FAM3B: variants seen among roughly 807,000 people sequenced by gnomAD.
FAM3B encodes FAM3 metabolism regulating signaling molecule B.
A neutral mutation model predicts 28.4 loss-of-function variants in FAM3B; 29 were observed. That is an observed-to-expected ratio of 1.02 (90% CI 0.76 to 1.39). FAM3B has a LOEUF of 1.39. Ranked by LOEUF, FAM3B falls within the 40% of genes most tolerant of loss-of-function variation. The probability of loss-of-function intolerance (pLI) is 0.00; values close to 1 mark genes in which losing one functional copy is unlikely to be tolerated. For synonymous variants in FAM3B, 91 were observed against 103.0 expected, an observed-to-expected ratio of 0.88 and a Z score of 0.71; for missense variants, 266 against 293.9, an observed-to-expected ratio of 0.91 and a Z score of 0.69.
At chr21:41,352,300 A>G (rs1489185208) in intron 7 of FAM3B, among the ~76,000 whole-genome samples, 3 of 152,116 alleles carry the variant, frequency 2.0e-5, no homozygotes, top group Admixed American at 2.0e-4. Flanking sequence ...CCCTCCATGC[A>G]GGGGGTGCCT....
chr21:41,339,247 A>G (rs1339693091), intron 3 of FAM3B, among the ~76,000 whole-genome samples: 1 of 152,134 alleles, frequency 6.6e-6, no homozygotes, highest in Non-Finnish European at 1.5e-5. Flanking sequence ...GTACAGCACT[A>G]CTTAAGTTAT....
chr21:41,326,191 T>C lies in FAM3B; in HGVS notation c.163+3125T>C, dbSNP rs888279285. 5.9e-5 allele frequency among the ~76,000 whole-genome samples: 9 copies of C among 152,208 alleles called. No individual in the cohort carries two copies. The highest frequency in any genetic ancestry group is 1.9e-4 in the African/African-American group (8 of 41,452). On this transcript the variant is annotated intron_variant, in intron 2 of 7. Transcript: ENST00000357985. This position sits in a 1 kb window ranked among gnomAD's most constrained non-coding sequence, Gnocchi z 4.0. Reference sequence around the variant, plus strand: ...TCAGGAAAAGCACTGAAGACCTAGATGTGGTTCTCCAGGCAGGGTTTGGAA... The same window carrying C: ...TCAGGAAAAGCACTGAAGACCTAGACGTGGTTCTCCAGGCAGGGTTTGGAA...
At position 41,357,161 on chromosome 21, in the gene FAM3B, C is replaced by CT; in HGVS notation, c.672_673insT (p.Gln225SerfsTer19). 6.2e-7 allele frequency: 1 copy of CT among 1,613,530 alleles called. No individual in the cohort carries two copies. The highest frequency in any genetic ancestry group is 8.5e-7 in the Non-Finnish European group (1 of 1,179,708). Reference sequence around the variant, plus strand: ...GATATTCTGGCTGGCCTGCAGAGATCCAGATAGAAGGCTGCATACCCAAAG... The same window carrying CT: ...GATATTCTGGCTGGCCTGCAGAGATCTCAGATAGAAGGCTGCATACCCAAAG... On this transcript the variant is annotated frameshift_variant, in exon 8 of 8. Transcript: ENST00000357985. LOFTEE classifies it high-confidence loss of function.
chr21:41,314,039 T>C (rs2088730673), upstream of FAM3B, among the ~76,000 whole-genome samples: 1 of 152,206 alleles, frequency 6.6e-6, no homozygotes, highest in Admixed American at 6.5e-5. Context: ...GTTGAAGCCC[T>C]AATCTTTCAA....
chr21:41,322,444 A>T (rs530675776), intron 1 of FAM3B: 3 of 627,100 alleles, frequency 4.8e-6, no homozygotes, highest in Admixed American at 2.5e-5. Context: ...CTTGCTGGGC[A>T]TCGGCTACTA....
chr21:41,355,732 G>A (rs2145837471), intron 7 of FAM3B, among the ~76,000 whole-genome samples: 1 of 152,270 alleles, frequency 6.6e-6, no homozygotes, highest in African/African-American at 2.4e-5. Flanking sequence ...TTTGGGTGAT[G>A]AAAATGTTTT....
rs1447241919 is a variant in FAM3B at position 41,338,517 on chromosome 21, T to C, written c.287+16T>C. 1 of 1,613,574 alleles carries C rather than the reference T, an allele frequency of 6.2e-7. No individual in the cohort carries two copies. The highest frequency in any genetic ancestry group is 8.5e-7 in the Non-Finnish European group (1 of 1,179,792). ...AGGATAACCTGTAAGTACCAGCGTTTAGAAGGAAAATAAAGCGATCCTACT... is the reference window on the plus strand; with the variant it reads ...AGGATAACCTGTAAGTACCAGCGTTCAGAAGGAAAATAAAGCGATCCTACT... On this transcript the variant is annotated intron_variant, in intron 3 of 7. Transcript: ENST00000357985.
intron 3 of FAM3B, among the ~76,000 whole-genome samples, chr21:41,341,012 A>G (rs1221222063): frequency 6.6e-6 from 1 of 152,204 alleles, no homozygotes; most frequent in African/African-American, 2.4e-5. Flanking sequence ...GTGTATGAAT[A>G]TGTGTGCATA....
chr21:41,348,451 G>A (rs777761892), intron 6 of FAM3B, 141 bp from the exon 7 acceptor site: 5 of 846,746 alleles, frequency 5.9e-6, no homozygotes, highest in Non-Finnish European at 9.1e-6. Flanking sequence ...AGCTGCCACT[G>A]TGTGTCATGC....
chr21:41,324,506 G>A (rs1184625286), intron 2 of FAM3B, among the ~76,000 whole-genome samples: 1 of 152,204 alleles, frequency 6.6e-6, no homozygotes, highest in African/African-American at 2.4e-5. Flanking sequence ...TTATCTGTAA[G>A]TCACACTGAT....
chr21:41,347,152 C>A, intron 6 of FAM3B, 52 bp downstream of exon 6: 1 of 1,493,746 alleles, frequency 6.7e-7, no homozygotes, highest in Non-Finnish European at 9.3e-7. Context: ...CCAGCTGGGG[C>A]AGAGGCTGCC....
Position 41,311,252 on chromosome 21 carries a change from ATATATATATATATATATATATAT to A in FAM3B, n.99+6943_99+6965del, listed in dbSNP as rs1470741887. On this transcript the variant is annotated intron_variant and non_coding_transcript_variant, in intron 1 of 9. Coordinates refer to the FAM3B transcript ENST00000479810. The stretch of plus-strand genomic sequence containing the variant: ...CTGTCTCTACAAAAAAAAAAAAAAA[ATATATATATATATATATATATAT>A]ATATATATATATATATATATATGTA... 6.8e-3 allele frequency among the ~76,000 whole-genome samples: 147 copies of A among 21,542 alleles called. 12 individuals are homozygous for A. Among genetic ancestry groups the A allele is most frequent in the African/African-American group, 0.022 (123 of 5,546 alleles). The allele number at this position is 21,542 out of a possible 152,430, so 14.1% of individuals were successfully genotyped here. A position where few individuals can be genotyped will look rare whatever the true frequency, so the allele number is the denominator to read the frequency against.
intron 7 of FAM3B, among the ~76,000 whole-genome samples, chr21:41,356,036 TACATACACAC>T (rs1252160082): frequency 0.019 from 2,002 of 104,810 alleles, 57 homozygotes; most frequent in African/African-American, 0.077. Flanking sequence ...GGGAAAAAAA[TACATACACAC>T]ACACACACAC....
chr21:41,304,922 A>C (rs1222262505), intron 1 of FAM3B, among the ~76,000 whole-genome samples: 1 of 152,180 alleles, frequency 6.6e-6, no homozygotes, highest in Non-Finnish European at 1.5e-5. Context: ...GCTGGAGTGA[A>C]GGAGGAGAAT....
At chr21:41,316,760 TG>T, upstream of FAM3B, 1 of 1,026,912 alleles carries the variant, frequency 9.7e-7, no homozygotes, top group African/African-American at 1.7e-5. Context: ...CGCACCCAGC[TG>T]GCCCGCCCCT....
At chr21:41,351,783 T>A (rs1420019631) in intron 7 of FAM3B, among the ~76,000 whole-genome samples, 2 of 152,338 alleles carry the variant, frequency 1.3e-5, no homozygotes, top group East Asian at 3.9e-4. Context: ...ACCTGCTGAA[T>A]TGAATTTTAA....
chr21:41,310,120 G>C (rs1268265475), intron 1 of FAM3B, among the ~76,000 whole-genome samples: 3 of 152,182 alleles, frequency 2.0e-5, no homozygotes, highest in Non-Finnish European at 4.4e-5. Context: ...GCCTTGCTCA[G>C]CCTCAACATC....
At chr21:41,345,618 C>G in intron 4 of FAM3B, 68 bp from the exon 5 acceptor site, 1 of 875,342 alleles carries the variant, frequency 1.1e-6, no homozygotes, top group Non-Finnish European at 1.8e-6. Context: ...CTTCCCCAGG[C>G]CCTGGTGCCA....
intron 1 of FAM3B, among the ~76,000 whole-genome samples, chr21:41,304,831 G>C (rs985451860): frequency 1.3e-5 from 2 of 152,186 alleles, no homozygotes; most frequent in African/African-American, 2.4e-5. Flanking sequence ...GGGGGCAGCT[G>C]AAAGGCATCT....
Sources: gnomAD v4.1 joint callset for allele counts (sites outside exome capture counted in the v4.1 genomes callset) on GRCh38, gnomAD v4.1.1 for gene constraint, Gnocchi (gnomAD v3.1) non-coding constraint, MANE v1.5 for transcripts, NCBI Gene and HGNC (gene_info 2026-07-23, HGNC 2026-07-21) for gene names.